NXPH1: variants seen among roughly 807,000 people sequenced by gnomAD.
NXPH1 encodes neurexophilin 1.
Under a neutral mutation model 23.7 loss-of-function variants are expected in NXPH1, and 5 were observed. That is an observed-to-expected ratio of 0.21 (90% CI 0.11 to 0.44). NXPH1 has a LOEUF of 0.44. Ranked by LOEUF, NXPH1 falls within the 20% of genes least tolerant of loss-of-function variation. The probability of loss-of-function intolerance (pLI) is 0.99; values close to 1 mark genes in which losing one functional copy is unlikely to be tolerated. For synonymous variants in NXPH1, 144 were observed against 122.2 expected (o/e 1.18, Z -1.18); for missense variants, 324 against 321.6 (o/e 1.01, Z -0.06).
chr7:8,513,921 G>T (rs1817650870), intron 2 of NXPH1, among the ~76,000 whole-genome samples: 1 of 152,064 alleles, frequency 6.6e-6, no homozygotes, highest in Non-Finnish European at 1.5e-5. Context: ...TGGCAAGGTT[G>T]GTTCTTTCTC....
chr7:8,655,923 G>A (rs910802177), intron 2 of NXPH1, among the ~76,000 whole-genome samples: 6 of 152,114 alleles, frequency 3.9e-5, no homozygotes, highest in Admixed American at 6.5e-5. Context: ...TGGCACAACC[G>A]TAAGCACAGT....
chr7:8,547,438 G>A (rs1392970409), intron 2 of NXPH1, among the ~76,000 whole-genome samples: 10 of 151,168 alleles, frequency 6.6e-5, no homozygotes, highest in Non-Finnish European at 1.5e-4. Flanking sequence ...AGCACAAGAT[G>A]TATATATGAT....
At chr7:8,677,187 G>A (rs1474655319) in intron 2 of NXPH1, among the ~76,000 whole-genome samples, 1 of 152,178 alleles carries the variant, frequency 6.6e-6, no homozygotes, top group Non-Finnish European at 1.5e-5. Flanking sequence ...ATAAAGGGCA[G>A]TTTTTGAAGA....
At chr7:8,481,158 A>T (rs1817066484) in intron 2 of NXPH1, among the ~76,000 whole-genome samples, 1 of 152,214 alleles carries the variant, frequency 6.6e-6, no homozygotes, top group Admixed American at 6.5e-5. Flanking sequence ...ATCTTAAAAT[A>T]TAAAGGAGAT....
At chr7:8,507,406 T>C (rs1817546655) in intron 2 of NXPH1, among the ~76,000 whole-genome samples, 1 of 149,770 alleles carries the variant, frequency 6.7e-6, no homozygotes, top group African/African-American at 2.5e-5. Context: ...TAAGATGTCA[T>C]TGAAGCATCC....
chr7:8,749,277 A>G (rs1178074680), intron 2 of NXPH1, among the ~76,000 whole-genome samples: 1 of 152,192 alleles, frequency 6.6e-6, no homozygotes, highest in African/African-American at 2.4e-5. Context: ...AGTAGATATC[A>G]TATTGCCTAC....
intron 2 of NXPH1, among the ~76,000 whole-genome samples, chr7:8,472,191 T>C (rs1220815971): frequency 6.6e-6 from 1 of 152,166 alleles, no homozygotes; most frequent in East Asian, 1.9e-4. Flanking sequence ...TTGTAATAAT[T>C]GTGCTTTGAC....
chr7:8,648,807 C>T (rs534650076), intron 2 of NXPH1, among the ~76,000 whole-genome samples: 1 of 151,936 alleles, frequency 6.6e-6, no homozygotes, highest in African/African-American at 2.4e-5. Context: ...AAATGAGGGC[C>T]CTTCCTTAGA....
chr7:8,580,159 A>T (rs151144152), intron 2 of NXPH1, among the ~76,000 whole-genome samples: 141 of 152,304 alleles, frequency 9.3e-4, no homozygotes, highest in African/African-American at 3.3e-3. Flanking sequence ...GACGGGACTT[A>T]TGACCTTCCA....
At chr7:8,715,501 A>C (rs1282539081) in intron 2 of NXPH1, among the ~76,000 whole-genome samples, 1 of 152,176 alleles carries the variant, frequency 6.6e-6, no homozygotes, top group Non-Finnish European at 1.5e-5. Context: ...CTATTCGGCC[A>C]TCTTGCTCTA....
intron 2 of NXPH1, among the ~76,000 whole-genome samples, chr7:8,619,695 A>AT (rs911861847): frequency 4.6e-5 from 7 of 152,102 alleles, no homozygotes; most frequent in Non-Finnish European, 7.4e-5. Context: ...TCTCCAGCGT[A>AT]TTTTTTAAGT....
chr7:8,736,614 G>T (rs921815165), intron 2 of NXPH1, among the ~76,000 whole-genome samples: 2 of 152,144 alleles, frequency 1.3e-5, no homozygotes, highest in African/African-American at 4.8e-5. Context: ...TGTTGATTTG[G>T]GATGGAGAGT....
chr7:8,751,140 T>C lies in NXPH1; in HGVS notation c.187T>C (p.Phe63Leu), dbSNP rs1780558193. 1.2e-6 allele frequency: 2 copies of C among 1,613,658 alleles called. No individual in the cohort carries two copies. Among genetic ancestry groups the C allele is most frequent in the South Asian group, 1.1e-5 (1 of 91,088 alleles). ...LSISRLLSQT[F>L]RGKENDTDLD... ...TATCAGCCGACTCCTGTCACAGACT[T>C]TTCGTGGCAAAGAGAATGATACAGA... is the stretch of plus-strand genomic sequence containing the variant. Residue 63 changes from phenylalanine to leucine, a missense_variant, in exon 3 of 3, where the codon TTT (phenylalanine) becomes CTT (leucine). Phe to Leu is a conservative substitution (Grantham distance 22). Transcript: ENST00000405863. This position sits in a 1 kb window ranked among gnomAD's most constrained non-coding sequence, Gnocchi z 4.5.
intron 2 of NXPH1, among the ~76,000 whole-genome samples, chr7:8,584,254 A>T (rs1229480476): frequency 6.6e-6 from 1 of 152,148 alleles, no homozygotes; most frequent in Non-Finnish European, 1.5e-5. Context: ...AGAGCCTGTA[A>T]TCTTAACCTC....
intron 2 of NXPH1, among the ~76,000 whole-genome samples, chr7:8,444,338 G>C (rs1469087763): frequency 1.3e-5 from 2 of 152,182 alleles, no homozygotes; most frequent in Admixed American, 6.5e-5. Flanking sequence ...AGGTTTAGGC[G>C]CAACGCCTCG....
At chr7:8,540,536 C>T (rs1267165391) in intron 2 of NXPH1, among the ~76,000 whole-genome samples, 4 of 151,592 alleles carry the variant, frequency 2.6e-5, no homozygotes. Flanking sequence ...AGGGGACACC[C>T]TAAGTGAGGA....
intron 2 of NXPH1, among the ~76,000 whole-genome samples, chr7:8,439,597 A>C (rs1183369085): frequency 6.6e-6 from 1 of 152,276 alleles, no homozygotes; most frequent in Non-Finnish European, 1.5e-5. Flanking sequence ...GTTGCTTTTT[A>C]AATCAAAATA....
chr7:8,748,707 C>T (rs1277520342), intron 2 of NXPH1, among the ~76,000 whole-genome samples: 1 of 152,168 alleles, frequency 6.6e-6, no homozygotes, highest in African/African-American at 2.4e-5. Flanking sequence ...AAAGAGTTCA[C>T]AGTTTTTTTT....
chr7:8,727,266 A>C (rs867770036), intron 2 of NXPH1, among the ~76,000 whole-genome samples: 140 of 118,180 alleles, frequency 1.2e-3, no homozygotes, highest in Middle Eastern at 0.012. Context: ...GGTTGCGAAA[A>C]TTTTCTCCCA....
Sources: allele counts gnomAD v4.1 joint callset (sites outside exome capture counted in the v4.1 genomes callset), GRCh38; gene constraint gnomAD v4.1.1; non-coding constraint Gnocchi (gnomAD v3.1); transcripts MANE v1.5; gene names NCBI Gene and HGNC (gene_info 2026-07-23, HGNC 2026-07-21).